The following CDH18 variants were observed in gnomAD, a reference collection of about 807,000 sequenced individuals.
CDH18 encodes cadherin 18.
CDH18 carries 31 observed loss-of-function variants against 67.9 expected under a neutral mutation model. That is an observed-to-expected ratio of 0.46 (90% CI 0.34 to 0.62). The LOEUF is 0.62. CDH18 is among the 20% of genes least tolerant of loss of function. CDH18 has a pLI of 0.01. For synonymous variants in CDH18, 362 were observed against 347.2 expected (o/e 1.04, Z -0.48); for missense variants, 890 against 975.5 (o/e 0.91, Z 1.17).
At chr5:19,909,703 A>T (rs1474541894) in intron 2 of CDH18, among the ~76,000 whole-genome samples, 1 of 150,256 alleles carries the variant, frequency 6.7e-6, no homozygotes. Context: ...AAAAAAAAAA[A>T]TCTATACATA....
At chr5:19,576,297 A>G (rs1401461604) in intron 7 of CDH18, among the ~76,000 whole-genome samples, 1 of 152,152 alleles carries the variant, frequency 6.6e-6, no homozygotes, top group Non-Finnish European at 1.5e-5. Context: ...CAAGTAATAG[A>G]ATGAAGAGAT....
chr5:20,109,428 T>G (rs1747260127), intron 2 of CDH18, among the ~76,000 whole-genome samples: 2 of 152,166 alleles, frequency 1.3e-5, no homozygotes, highest in Non-Finnish European at 2.9e-5. Context: ...AGGATAAAAA[T>G]GATCTGAGTT....
At chr5:19,827,771 C>T (rs188729582) in intron 3 of CDH18, among the ~76,000 whole-genome samples, 266 of 152,128 alleles carry the variant, frequency 1.7e-3, no homozygotes, top group Non-Finnish European at 2.8e-3. Context: ...GTACTAAGTG[C>T]CCACTTCAAA....
intron 8 of CDH18, among the ~76,000 whole-genome samples, chr5:19,563,458 A>T (rs907891584): frequency 3.3e-5 from 5 of 152,222 alleles, no homozygotes; most frequent in African/African-American, 1.2e-4. Context: ...CATGTGTCAT[A>T]AAGCTACATT....
chr5:20,151,191 A>G (rs369428152), intron 2 of CDH18, among the ~76,000 whole-genome samples: 6 of 151,742 alleles, frequency 4.0e-5, no homozygotes, highest in Non-Finnish European at 8.8e-5. Flanking sequence ...TATTGATTTT[A>G]TATGTGCTCA....
chr5:19,579,103 ATTAT>A (rs1289139389), intron 7 of CDH18, among the ~76,000 whole-genome samples: 4 of 151,996 alleles, frequency 2.6e-5, no homozygotes, highest in African/African-American at 9.7e-5. Flanking sequence ...TATTAATTAC[ATTAT>A]TTGATTATTC....
chr5:20,392,487 T>A lies in CDH18; in HGVS notation c.-579-136982A>T, dbSNP rs191063847. ...GCTTGAGAACTCAATTCATATATATTTATAATTTCTAGCTAAAATTTTCTT... is the reference window on the plus strand; with the variant it reads ...GCTTGAGAACTCAATTCATATATATATATAATTTCTAGCTAAAATTTTCTT... On this transcript the variant is annotated intron_variant, in intron 1 of 14. Coordinates refer to the CDH18 transcript ENST00000507958. 1.5e-3 allele frequency among the ~76,000 whole-genome samples: 221 copies of A among 152,048 alleles called. 4 individuals carry two copies. The South Asian group carries it at 0.042, about 29-fold the overall frequency.
In CDH18 at chr5:19,520,781, G is replaced by A. The variant is rs776693010; in HGVS notation, c.1391-3C>T. The A allele has an allele frequency of 3.1e-6, 5 of 1,612,244 alleles. No individual in the cohort carries two copies. The highest frequency in any genetic ancestry group is 4.2e-6 in the Non-Finnish European group (5 of 1,179,156). ...ATGGCTCAGCAAATCAGGATTATCT[G>A]CAAAATACACAGGAATGTATTTAGT... On this transcript the variant is annotated splice_region_variant and splice_polypyrimidine_tract_variant and intron_variant, in intron 9 of 12. Transcript: ENST00000382275.
chr5:20,470,357 T>C (rs1382846994), intron 1 of CDH18, among the ~76,000 whole-genome samples: 2 of 152,190 alleles, frequency 1.3e-5, no homozygotes. Context: ...AGCAGTGACA[T>C]GAATGGAGAA....
At chr5:19,893,453 AAAAG>A (rs1193013096) in intron 2 of CDH18, among the ~76,000 whole-genome samples, 1 of 152,196 alleles carries the variant, frequency 6.6e-6, no homozygotes. Context: ...AGGGACTTCA[AAAAG>A]AAAGGACCAA....
intron 4 of CDH18, among the ~76,000 whole-genome samples, chr5:19,740,050 A>C (rs1432285437): frequency 6.6e-6 from 1 of 152,240 alleles, no homozygotes; most frequent in African/African-American, 2.4e-5. Flanking sequence ...GGAACTTTGC[A>C]GTTAAACAAT....
At chr5:20,147,927 C>T (rs1750787587) in intron 2 of CDH18, among the ~76,000 whole-genome samples, 1 of 152,142 alleles carries the variant, frequency 6.6e-6, no homozygotes, top group South Asian at 2.1e-4. Context: ...AGGCCAATAA[C>T]CAACTTAAAG....
chr5:19,671,505 T>C (rs568082897), intron 5 of CDH18, among the ~76,000 whole-genome samples: 2 of 152,250 alleles, frequency 1.3e-5, no homozygotes, highest in South Asian at 4.1e-4. Flanking sequence ...CATATCTGAC[T>C]CCTCTGTGGT....
At chr5:20,053,549 C>A (rs1276227790) in intron 2 of CDH18, among the ~76,000 whole-genome samples, 1 of 152,068 alleles carries the variant, frequency 6.6e-6, no homozygotes, top group African/African-American at 2.4e-5. Flanking sequence ...TTGGAGGCAA[C>A]CTTTAATCAC....
intron 2 of CDH18, among the ~76,000 whole-genome samples, chr5:20,151,459 T>A (rs1054940985): frequency 1.3e-4 from 20 of 152,116 alleles, no homozygotes; most frequent in Non-Finnish European, 2.6e-4. Flanking sequence ...TACATATGCA[T>A]GTGTCTTTTG....
intron 4 of CDH18, among the ~76,000 whole-genome samples, chr5:19,722,683 A>T (rs1766263758): frequency 6.6e-6 from 1 of 151,932 alleles, no homozygotes; most frequent in South Asian, 2.1e-4. Context: ...CTAAGAATTC[A>T]CATCTATTCA....
At chr5:20,483,535 T>C (rs1460691936) in intron 1 of CDH18, among the ~76,000 whole-genome samples, 7 of 151,570 alleles carry the variant, frequency 4.6e-5, no homozygotes, top group Admixed American at 2.6e-4. Context: ...AAAGTTATAA[T>C]AACCAAAACA....
At chr5:20,283,638 T>G (rs913823754) in intron 1 of CDH18, among the ~76,000 whole-genome samples, 1 of 152,094 alleles carries the variant, frequency 6.6e-6, no homozygotes, top group African/African-American at 2.4e-5. Flanking sequence ...AGGGAACCCT[T>G]GTACACGGTT....
chr5:19,882,488 C>T (rs573862597), intron 2 of CDH18, among the ~76,000 whole-genome samples: 1 of 151,966 alleles, frequency 6.6e-6, no homozygotes, highest in East Asian at 1.9e-4. Context: ...GAATTTCATA[C>T]ACATTGTTTA....
Sources: allele counts gnomAD v4.1 joint callset (sites outside exome capture counted in the v4.1 genomes callset), GRCh38; gene constraint gnomAD v4.1.1; transcripts MANE v1.5; gene names NCBI Gene and HGNC (gene_info 2026-07-23, HGNC 2026-07-21).